MGAM: variants seen among roughly 807,000 people sequenced by gnomAD.
MGAM encodes maltase-glucoamylase, also known as alpha-1,4-glucosidase.
In MGAM, 253 loss-of-function variants were observed where a neutral mutation model predicts 358.8. The ratio of observed to expected loss-of-function variants is 0.71; its 90% confidence interval spans 0.64 to 0.78. MGAM has a LOEUF of 0.78. Among genes scored for constraint, MGAM ranks in the 30% least tolerant of loss-of-function variants. MGAM has a pLI of 0.00. For missense variants in MGAM, 3,080 were observed against 3,432.6 expected (o/e 0.90, Z 2.57); for synonymous variants, 1,105 against 1,227.1 (o/e 0.90, Z 2.08).
At chr7:142,099,533 A>T in intron 66 of MGAM, 80 bp from the exon 67 acceptor site, 1 of 1,603,964 alleles carries the variant, frequency 6.2e-7, no homozygotes, top group Non-Finnish European at 8.5e-7. Flanking sequence ...AGAAGGGAGG[A>T]TGAGATGTCT....
chr7:142,017,255 T>A (rs1158588169), intron 3 of MGAM, among the ~76,000 whole-genome samples: 1 of 152,220 alleles, frequency 6.6e-6, no homozygotes, highest in Non-Finnish European at 1.5e-5. Context: ...TCTCTTAAAT[T>A]TTTAATTCTC....
Position 142,088,996 on chromosome 7 carries a change from GTATCTATCTATCTATC to G in MGAM, c.6810+2303_6810+2318del, listed in dbSNP as rs71166560. Among the ~76,000 whole-genome samples the G allele has an allele frequency of 1.9e-4, 23 of 118,046 alleles. 2 individuals are homozygous for G. The highest frequency in any genetic ancestry group is 6.3e-4 in the South Asian group (2 of 3,184). 77.4% of individuals were successfully genotyped at this position (118,046 alleles called of 152,430 possible). Reference sequence around the variant, plus strand: ...TGTATGTATGTATGTATGTATGTATGTATCTATCTATCTATCTATCTATCTATCTATCTATCTATAC... The same window carrying G: ...TGTATGTATGTATGTATGTATGTATGTATCTATCTATCTATCTATCTATAC... On this transcript the variant is annotated intron_variant, in intron 57 of 70. Coordinates refer to ENST00000475668, the MANE Select transcript of MGAM (RefSeq NM_001365693.1).
chr7:142,102,619 T>G lies in MGAM; in HGVS notation c.7964-11T>G. The G allele has an allele frequency of 1.2e-6, 2 of 1,612,706 alleles. No homozygotes were observed. ...GGTCCAGGCCATGTTTATCTTGTTT[T>G]TTGTTTGCAGATACCTATGGGAAAG... On this transcript the variant is annotated splice_polypyrimidine_tract_variant and intron_variant, in intron 68 of 70. Transcript: ENST00000475668.
chr7:142,005,320 C>CA (rs1805063040), intron 1 of MGAM, among the ~76,000 whole-genome samples: 1 of 151,840 alleles, frequency 6.6e-6, no homozygotes, highest in South Asian at 2.1e-4. Context: ...AGATTTGTTT[C>CA]AAAGTAATTC....
upstream of MGAM, among the ~76,000 whole-genome samples, chr7:141,992,578 G>T (rs1803994725): frequency 6.6e-6 from 1 of 152,030 alleles, no homozygotes; most frequent in Non-Finnish European, 1.5e-5. Context: ...TGAAGGTCTT[G>T]TTTTTATTTA....
At chr7:142,064,600 C>G (rs1585043019) in intron 37 of MGAM, 78 bp downstream of exon 37, 2 of 1,504,692 alleles carry the variant, frequency 1.3e-6, no homozygotes, top group East Asian at 4.9e-5. Flanking sequence ...CCTAGTTTTC[C>G]TTTCATTCCA....
chr7:142,022,546 C>T, intron 7 of MGAM, 107 bp downstream of exon 7: 1 of 1,227,702 alleles, frequency 8.1e-7, no homozygotes, highest in South Asian at 1.7e-5. Context: ...TAGAGTGAGA[C>T]TACCTGGCTT....
rs782579825 is a variant in MGAM at position 142,030,658 on chromosome 7, C to G, written c.1371C>G (p.Asn457Lys). ...LVIIVDPAIS[N>K]NSSSSKPYGP... ...ATTTTTAGGATCCAGCCATCTCCAA[C>G]AACTCTTCCTCAAGTAAACCCTATG... Residue 457 changes from asparagine to lysine, a missense_variant, in exon 12 of 71, where the codon AAC becomes AAG. Physicochemically the swap from Asn to Lys is moderately conservative, Grantham distance 94 (BLOSUM62 0). Around this residue, in one of 5 missense-constraint regions of MGAM, gnomAD observed 1,816 missense variants for 1,840.5 expected, o/e 0.99. Coordinates refer to ENST00000475668, the MANE Select transcript of MGAM (RefSeq NM_001365693.1). The G allele has an allele frequency of 3.1e-6, 5 of 1,612,758 alleles. No individual in the cohort carries two copies. The Admixed American group carries it at 8.3e-5, about 27-fold the overall frequency.
chr7:142,100,930 A>C (rs537657325), intron 68 of MGAM, 40 bp downstream of exon 68: 3 of 1,556,244 alleles, frequency 1.9e-6, no homozygotes, highest in Admixed American at 1.7e-5. Flanking sequence ...GATGGCACTG[A>C]CTACATTCCT....
At chr7:142,014,371 C>T (rs1278146109) in intron 3 of MGAM, among the ~76,000 whole-genome samples, 6 of 151,940 alleles carry the variant, frequency 3.9e-5, no homozygotes, top group East Asian at 3.9e-4. Flanking sequence ...AATAATGACA[C>T]GTTTGGGACT....
chr7:142,057,212 G>A (rs1811635643), intron 30 of MGAM, among the ~76,000 whole-genome samples: 3 of 151,998 alleles, frequency 2.0e-5, no homozygotes, highest in Admixed American at 2.0e-4. Flanking sequence ...TGGTTATATG[G>A]TGATGATGGC....
intron 1 of MGAM, among the ~76,000 whole-genome samples, chr7:141,999,812 T>C (rs1169183637): frequency 6.6e-6 from 1 of 152,184 alleles, no homozygotes; most frequent in East Asian, 1.9e-4. Flanking sequence ...CTGATCTTAG[T>C]TTTTCTTCAA....
intron 2 of MGAM, among the ~76,000 whole-genome samples, chr7:142,006,624 C>T (rs1554452512): frequency 6.6e-6 from 1 of 152,120 alleles, no homozygotes; most frequent in African/African-American, 2.4e-5. Context: ...TGTTCCATCA[C>T]CTGCTACAAC....
rs1325427493 is a variant in MGAM, at chr7:142,069,463, C to T, written c.5061+760C>T. On this transcript the variant is annotated intron_variant, in intron 43 of 70. Transcript: ENST00000475668. ...GGTATTTCCTTCGTTTCTAACTAGGCCTCTTCTTCTGACTTTCTGAGGAGA... is the reference window on the plus strand; with the variant it reads ...GGTATTTCCTTCGTTTCTAACTAGGTCTCTTCTTCTGACTTTCTGAGGAGA... Among the ~76,000 whole-genome samples, 2 of 145,476 alleles carry T rather than the reference C, an allele frequency of 1.4e-5. 1 individual carries two copies. Among genetic ancestry groups the T allele is most frequent in the Non-Finnish European group, 3.1e-5 (2 of 64,320 alleles).
intron 2 of MGAM, among the ~76,000 whole-genome samples, chr7:142,006,010 A>G (rs1433464287): frequency 6.6e-6 from 1 of 152,222 alleles, no homozygotes; most frequent in African/African-American, 2.4e-5. Flanking sequence ...GTGGAAAAAT[A>G]GAAATATAGA....
At position 142,040,128 on chromosome 7, in the gene MGAM, T is replaced by G; in HGVS notation, c.2330T>G (p.Val777Gly). Residue 777 changes from valine to glycine, a missense_variant, in exon 20 of 71, where the codon GTG becomes GGG. By Grantham distance (109) the Val-to-Gly change is moderately radical. This residue lies in a region of MGAM where 1,816 missense variants were observed against 1,840.5 expected (regional missense o/e 0.99). Transcript: ENST00000475668. Reference protein sequence around the residue: ...TPVLDEGAEKVMAYVPDAVWY... With the variant: ...TPVLDEGAEKGMAYVPDAVWY... ...TTTTAATTTCAGGGTGCAGAGAAAG[T>G]GATGGCATATGTGCCTGATGCTGTC... is the stretch of plus-strand genomic sequence containing the variant. The G allele has an allele frequency of 6.2e-7, 1 of 1,612,360 alleles. No homozygotes were observed.
chr7:142,021,612 T>C lies in MGAM; in HGVS notation c.585T>C (p.Phe195=), dbSNP rs1376183474. 6.2e-7 allele frequency: 1 copy of C among 1,613,936 alleles called. No homozygotes were observed. Residue 195 remains phenylalanine, a synonymous_variant, in exon 6 of 71, where the codon TTT becomes TTC. Transcript: ENST00000475668. The stretch of plus-strand genomic sequence containing the variant: ...TGACTGACCAAACCAATAACAGGTT[T>C]GAAGTGCCCCACGAACACGTGCAGT... ...FKLTDQTNNR[F]EVPHEHVQSF...
At chr7:141,989,551 C>CTTTTT (rs71166551) in intron 2 of MGAM, among the ~76,000 whole-genome samples, 1 of 142,994 alleles carries the variant, frequency 7.0e-6, no homozygotes, top group Non-Finnish European at 1.5e-5. Context: ...GTTCTTCTTT[C>CTTTTT]TTTTTTTTTT....
At chr7:142,102,779 C>A in intron 69 of MGAM, 100 bp downstream of exon 69, 1 of 1,136,562 alleles carries the variant, frequency 8.8e-7, no homozygotes, top group Non-Finnish European at 1.3e-6. Context: ...TTCTTCATTG[C>A]TCATCTTGCT....
Sources: gnomAD v4.1 joint callset for allele counts (sites outside exome capture counted in the v4.1 genomes callset) on GRCh38, gnomAD v4.1.1 for gene constraint, gnomAD v4.1.1 regional missense constraint, MANE v1.5 for transcripts, NCBI Gene and HGNC (gene_info 2026-07-23, HGNC 2026-07-21) for gene names.